UHRF1: variants seen among roughly 807,000 people sequenced by gnomAD.
The protein encoded by UHRF1 is E3 ubiquitin-protein ligase UHRF1.
A neutral mutation model predicts 96.5 loss-of-function variants in UHRF1; 9 were observed. That is an observed-to-expected ratio of 0.09 (90% CI 0.06 to 0.16). The LOEUF (loss-of-function observed/expected upper bound fraction) is 0.16. Ranked by LOEUF, UHRF1 falls within the 10% of genes least tolerant of loss-of-function variation. The pLI is 1.00. For missense variants in UHRF1, 626 were observed against 1,131.1 expected, an observed-to-expected ratio of 0.55 and a Z score of 6.40; for synonymous variants, 455 against 469.9, an observed-to-expected ratio of 0.97 and a Z score of 0.41.
chr19:4,936,314 CAG>C (rs756704692), intron 5 of UHRF1, among the ~76,000 whole-genome samples: 2 of 152,180 alleles, frequency 1.3e-5, no homozygotes, highest in Non-Finnish European at 2.9e-5. Flanking sequence ...CAAGATGAGA[CAG>C]AGAAACGCGA....
intron 7 of UHRF1, 73 bp from the exon 8 acceptor site, chr19:4,944,059 G>T: frequency 2.5e-6 from 4 of 1,589,330 alleles, no homozygotes; most frequent in Non-Finnish European, 3.4e-6. Context: ...TCCGTGGTGT[G>T]TGGGCAGAGG....
intron 16 of UHRF1, among the ~76,000 whole-genome samples, chr19:4,957,353 T>G (rs867321696): frequency 3.4e-4 from 46 of 134,276 alleles, no homozygotes; most frequent in South Asian, 1.9e-3. Flanking sequence ...CTGTTGCCCA[T>G]GCTGGAGTGC....
chr19:4,952,393 C>CTT (rs150183272), intron 13 of UHRF1, among the ~76,000 whole-genome samples: 19,812 of 82,478 alleles, frequency 0.24, 3,522 homozygotes, highest in East Asian at 0.62. Flanking sequence ...CGCTCCCAGC[C>CTT]TTTTTTTTTT....
intron 7 of UHRF1, among the ~76,000 whole-genome samples, chr19:4,943,467 G>A (rs1319715157): frequency 6.7e-6 from 1 of 149,648 alleles, no homozygotes; most frequent in Non-Finnish European, 1.5e-5. Context: ...CATTCCTCCA[G>A]CACAGAAGTG....
intron 2 of UHRF1, among the ~76,000 whole-genome samples, chr19:4,915,740 A>T (rs1374224880): frequency 6.6e-6 from 1 of 151,970 alleles, no homozygotes; most frequent in Non-Finnish European, 1.5e-5. Context: ...AACAAAACCA[A>T]AACAAAAGAG....
chr19:4,951,219 T>C (rs896778104), intron 13 of UHRF1, among the ~76,000 whole-genome samples: 6 of 152,074 alleles, frequency 3.9e-5, no homozygotes, highest in Admixed American at 6.6e-5. Flanking sequence ...TGAGCTGAGA[T>C]TGCGCCACTG....
chr19:4,929,410 C>T lies in UHRF1; in HGVS notation c.342C>T (p.Ala114=), dbSNP rs768951246. 2.7e-5 allele frequency: 44 copies of T among 1,613,650 alleles called. No homozygotes were observed. Among genetic ancestry groups the T allele is most frequent in the Admixed American group, 1.7e-4 (10 of 60,004 alleles). The change falls in exon 3 of 17, where the codon GCC becomes GCT. Residue 114 remains alanine, a synonymous_variant. Transcript: ENST00000650932. ...SDKSSTHGEA[A]AETDSRPADE... Reference sequence around the variant, plus strand: ...AGTCCTCCACCCACGGTGAGGCGGCCGCCGAGACTGACAGCAGGCCAGCCG... The same window carrying T: ...AGTCCTCCACCCACGGTGAGGCGGCTGCCGAGACTGACAGCAGGCCAGCCG...
chr19:4,940,355 T>G (rs1175207995), intron 5 of UHRF1, among the ~76,000 whole-genome samples: 1 of 145,336 alleles, frequency 6.9e-6, no homozygotes, highest in Non-Finnish European at 1.5e-5. Context: ...GCGTTGCCTT[T>G]ATGATTTTTT....
intron 5 of UHRF1, among the ~76,000 whole-genome samples, chr19:4,939,943 G>C (rs993654710): frequency 2.7e-5 from 4 of 150,308 alleles, no homozygotes; most frequent in African/African-American, 9.8e-5. Flanking sequence ...AGAGTGGCGT[G>C]AACCCGGGAG....
In UHRF1 at chr19:4,958,813, A is replaced by T. The variant is rs111545801; in HGVS notation, c.2236-1844A>T. ...ATGGTGAAACCCCATCTCTACTAAA[A>T]ATTAAAACAAAATTAGCTGGGTGAG... On this transcript the variant is annotated intron_variant, in intron 16 of 16. Transcript: ENST00000650932. Among the ~76,000 whole-genome samples, 1,042 of 152,094 alleles carry T rather than the reference A, an allele frequency of 6.9e-3. 19 individuals are homozygous for T. The highest frequency in any genetic ancestry group is 0.022 in the African/African-American group (900 of 41,490).
Position 4,954,548 on chromosome 19 carries a change from C to T in UHRF1, c.1957+60C>T, listed in dbSNP as rs8107263. The T allele has an allele frequency of 6.4e-3, 10,121 of 1,583,168 alleles. 508 individuals are homozygous for T. The African/African-American group carries it at 0.11, about 17-fold the overall frequency. On this transcript the variant is annotated intron_variant, in intron 14 of 16. Coordinates refer to ENST00000650932, the MANE Select transcript of UHRF1 (RefSeq NM_001048201.3). This position sits in a 1 kb window ranked among gnomAD's most constrained non-coding sequence, Gnocchi z 5.9. ...TGTGTGGGGGAGCAGGTGGGCATCT[C>T]GCGGGTGTGGGGTTGAGGTCGTGTG...
intron 16 of UHRF1, among the ~76,000 whole-genome samples, chr19:4,959,889 C>T (rs778433822): frequency 3.3e-5 from 5 of 152,174 alleles, no homozygotes; most frequent in Non-Finnish European, 7.3e-5. Flanking sequence ...GACGCAGAGT[C>T]TTGCCCTGTC....
At chr19:4,951,745 C>T (rs2033723164) in intron 13 of UHRF1, among the ~76,000 whole-genome samples, 1 of 150,468 alleles carries the variant, frequency 6.6e-6, no homozygotes, top group Non-Finnish European at 1.5e-5. Context: ...TTGGTGGATT[C>T]CAGAGAGATC....
chr19:4,942,817 C>G (rs1243293353), intron 7 of UHRF1, among the ~76,000 whole-genome samples: 2 of 152,124 alleles, frequency 1.3e-5, no homozygotes, highest in Non-Finnish European at 2.9e-5. Context: ...CCTGTGGTCC[C>G]AGCCACTTGG....
upstream of UHRF1, among the ~76,000 whole-genome samples, chr19:4,908,198 T>C (rs1480092020): frequency 1.3e-5 from 2 of 152,132 alleles, no homozygotes; most frequent in East Asian, 3.8e-4. Context: ...TCCTTTTAGC[T>C]GTGTAAGGCA....
chr19:4,931,822 G>A (rs550526061), intron 4 of UHRF1, among the ~76,000 whole-genome samples: 1 of 152,016 alleles, frequency 6.6e-6, no homozygotes, highest in African/African-American at 2.4e-5. Context: ...GTGCAATGGT[G>A]TGATCTTGGC....
chr19:4,954,508 G>T lies in UHRF1; in HGVS notation c.1957+20G>T. The T allele has an allele frequency of 1.9e-6, 3 of 1,600,654 alleles. No individual in the cohort carries two copies. Among genetic ancestry groups the T allele is most frequent in the Non-Finnish European group, 2.6e-6 (3 of 1,171,088 alleles). ...CGGCAGGTGAGAATCTCGTGGGTGTGGGGTGAGCGTCTTGTGTGTGGGGGA... is the reference window on the plus strand; with the variant it reads ...CGGCAGGTGAGAATCTCGTGGGTGTTGGGTGAGCGTCTTGTGTGTGGGGGA... On this transcript the variant is annotated intron_variant, in intron 14 of 16. Transcript: ENST00000650932. The surrounding 1 kb of genome is among the most constrained non-coding windows in gnomAD (Gnocchi z 5.9).
In UHRF1 at chr19:4,935,590, C is replaced by T. The variant is rs181474503; in HGVS notation, c.785+2634C>T. ...GTTCTTGGAGGCCGCCTGCAGTTCCCAGGGCCCACCTGCAGTTCCTTGCCC... is the reference window on the plus strand; with the variant it reads ...GTTCTTGGAGGCCGCCTGCAGTTCCTAGGGCCCACCTGCAGTTCCTTGCCC... On this transcript the variant is annotated intron_variant, in intron 5 of 16. Coordinates refer to ENST00000650932, the MANE Select transcript of UHRF1 (RefSeq NM_001048201.3). Among the ~76,000 whole-genome samples, 244 of 151,866 alleles carry T rather than the reference C, an allele frequency of 1.6e-3. 2 individuals are homozygous for T. Among genetic ancestry groups the T allele is most frequent in the African/African-American group, 5.3e-3 (219 of 41,382 alleles).
chr19:4,941,221 G>C (rs1173820799), intron 5 of UHRF1, among the ~76,000 whole-genome samples: 1 of 151,008 alleles, frequency 6.6e-6, no homozygotes, highest in African/African-American at 2.4e-5. Context: ...CTCCCGAGTA[G>C]CTGGGATTAC....
Sources: allele counts gnomAD v4.1 joint callset (sites outside exome capture counted in the v4.1 genomes callset), GRCh38; gene constraint gnomAD v4.1.1; non-coding constraint Gnocchi (gnomAD v3.1); transcripts MANE v1.5; gene names NCBI Gene and HGNC (gene_info 2026-07-23, HGNC 2026-07-21).